Variants in CLEC16A observed in about 807,000 individuals in gnomAD.
The protein encoded by CLEC16A is protein CLEC16A.
CLEC16A carries 51 observed loss-of-function variants against 109.5 expected under a neutral mutation model. The ratio of observed to expected loss-of-function variants is 0.47; its 90% confidence interval spans 0.37 to 0.59. The LOEUF is 0.59. Ranked by LOEUF, CLEC16A falls within the 20% of genes least tolerant of loss-of-function variation. The probability of loss-of-function intolerance (pLI) is 0.00; values close to 1 mark genes in which losing one functional copy is unlikely to be tolerated. For synonymous variants in CLEC16A, 673 were observed against 564.2 expected, an observed-to-expected ratio of 1.19 and a Z score of -2.73; for missense variants, 1,339 against 1,394.0, an observed-to-expected ratio of 0.96 and a Z score of 0.63.
At position 10,957,894 on chromosome 16, in the gene CLEC16A, GACAGCT is replaced by G; in HGVS notation, c.194_199del (p.Asp65_Ser67delinsAla). Reference sequence around the variant, plus strand: ...GATCCTGATCTGGGGAGATCAAAATGACAGCTCTGTATTTGAGTAAGGGTTTCTAAT... The same window carrying G: ...GATCCTGATCTGGGGAGATCAAAATGCTGTATTTGAGTAAGGGTTTCTAAT... On this transcript the variant is annotated inframe_deletion, in exon 2 of 24. Transcript: ENST00000409790. 6.2e-7 allele frequency: 1 copy of G among 1,613,826 alleles called. No individual in the cohort carries two copies. The highest frequency in any genetic ancestry group is 8.5e-7 in the Non-Finnish European group (1 of 1,179,806).
intron 21 of CLEC16A, among the ~76,000 whole-genome samples, chr16:11,124,505 G>A (rs185718497): frequency 3.3e-5 from 5 of 152,304 alleles, no homozygotes; most frequent in South Asian, 2.1e-4. Flanking sequence ...TACATTTCAC[G>A]GGGATTGCGG....
At chr16:10,999,429 A>G (rs1414789065) in intron 10 of CLEC16A, among the ~76,000 whole-genome samples, 1 of 152,170 alleles carries the variant, frequency 6.6e-6, no homozygotes, top group Non-Finnish European at 1.5e-5. Flanking sequence ...AGCCTTTGAA[A>G]AGCTTTACTT....
chr16:10,947,979 C>T (rs982629936), intron 1 of CLEC16A, among the ~76,000 whole-genome samples: 13 of 152,004 alleles, frequency 8.6e-5, no homozygotes, highest in East Asian at 5.8e-4. Context: ...CTGCAAGCTC[C>T]GCCTCCCGGG....
At chr16:11,003,438 C>T in intron 11 of CLEC16A, 133 bp downstream of exon 11, 1 of 691,106 alleles carries the variant, frequency 1.4e-6, no homozygotes, top group South Asian at 1.9e-5. Context: ...TCCTACCTCA[C>T]ACTGGCGTAC....
intron 21 of CLEC16A, among the ~76,000 whole-genome samples, chr16:11,124,858 G>A (rs536681142): frequency 2.0e-5 from 3 of 152,278 alleles, no homozygotes; most frequent in Non-Finnish European, 2.9e-5. Context: ...AGGCCAAGGC[G>A]GGTAACTCAC....
chr16:11,108,503 T>G (rs1347468264), intron 19 of CLEC16A, among the ~76,000 whole-genome samples: 2 of 152,188 alleles, frequency 1.3e-5, no homozygotes, highest in Non-Finnish European at 2.9e-5. Flanking sequence ...CCACCCACCC[T>G]CTGCAGCTAG....
At chr16:11,123,544 C>T (rs2052583545) in intron 20 of CLEC16A, among the ~76,000 whole-genome samples, 198 bp from the exon 21 acceptor site, 1 of 152,182 alleles carries the variant, frequency 6.6e-6, no homozygotes, top group African/African-American at 2.4e-5. Context: ...TGCCTCCTCC[C>T]ACACTGTCCT....
chr16:10,951,431 G>A (rs1174996046), intron 1 of CLEC16A, among the ~76,000 whole-genome samples: 4 of 152,152 alleles, frequency 2.6e-5, no homozygotes, highest in African/African-American at 9.7e-5. Flanking sequence ...ATAACCTCAT[G>A]TAAATTCTTG....
At position 11,154,606 on chromosome 16, in the gene CLEC16A, C is replaced by T. The variant is rs115923118; in HGVS notation, c.2642-11782C>T. The stretch of plus-strand genomic sequence containing the variant: ...TGGGCCATTTCTTTTGCTACATACC[C>T]CTTTGTCTAAAGACACTTACGAAAA... On this transcript the variant is annotated intron_variant, in intron 22 of 23. Transcript: ENST00000409790. Among the ~76,000 whole-genome samples, 1,310 of 152,268 alleles carry T rather than the reference C, an allele frequency of 8.6e-3. 21 individuals are homozygous for T. Among genetic ancestry groups the T allele is most frequent in the African/African-American group, 0.03 (1,240 of 41,534 alleles).
chr16:11,178,000 C>T (rs185464291), intron 23 of CLEC16A, among the ~76,000 whole-genome samples: 122 of 152,304 alleles, frequency 8.0e-4, no homozygotes, highest in African/African-American at 2.8e-3. Flanking sequence ...CTGAGATTTG[C>T]CCACACATAA....
chr16:11,166,508 G>A lies in CLEC16A; in HGVS notation c.2762G>A (p.Gly921Asp), dbSNP rs1172210953. ...AGCACCAGCCACTGCGACTCTGGAGGCACCAGCTCGTCCTCCACCCCCTCC... is the reference window on the plus strand; with the variant it reads ...AGCACCAGCCACTGCGACTCTGGAGACACCAGCTCGTCCTCCACCCCCTCC... ...SGSTSHCDSG[G>D]TSSSSTPSTA... The change falls in exon 23 of 24, where the codon GGC becomes GAC. Residue 921 changes from glycine (G) to aspartate (D), a missense_variant. Physicochemically the swap from Gly to Asp is moderately conservative, Grantham distance 94. Transcript: ENST00000409790. The A allele has an allele frequency of 1.9e-6, 3 of 1,608,772 alleles. No homozygotes were observed. The highest frequency in any genetic ancestry group is 1.1e-5 in the South Asian group (1 of 90,756).
intron 20 of CLEC16A, among the ~76,000 whole-genome samples, chr16:11,123,171 G>C (rs1271547527): frequency 2.6e-5 from 4 of 152,066 alleles, no homozygotes; most frequent in African/African-American, 9.7e-5. Flanking sequence ...CAAAGTGCTG[G>C]AATTATAGGC....
chr16:10,998,553 A>T (rs528333048), intron 10 of CLEC16A, among the ~76,000 whole-genome samples: 3 of 152,308 alleles, frequency 2.0e-5, no homozygotes, highest in Non-Finnish European at 4.4e-5. Context: ...TCTTACTCTG[A>T]AGTGGGCTTT....
rs1343023933 is a variant in CLEC16A at position 10,977,309 on chromosome 16, C to T, written c.813C>T (p.Asn271=). 3.1e-6 allele frequency: 5 copies of T among 1,613,898 alleles called. No homozygotes were observed. The highest frequency in any genetic ancestry group is 2.2e-5 in the South Asian group (2 of 91,090). ...ATCTCAATGACATCCTGATCATCAA[C>T]TGTGAGTTCCTCAACGATGTGCTCA... ...LHYLNDILII[N]CEFLNDVLTD... The change falls in exon 8 of 24, where the codon AAC becomes AAT. Residue 271 remains asparagine (N), a synonymous_variant. Coordinates refer to ENST00000409790, the MANE Select transcript of CLEC16A (RefSeq NM_015226.3).
At chr16:11,176,838 G>A (rs966565700) in intron 23 of CLEC16A, among the ~76,000 whole-genome samples, 1 of 152,190 alleles carries the variant, frequency 6.6e-6, no homozygotes, top group African/African-American at 2.4e-5. Flanking sequence ...AATCCAGTCT[G>A]TCTCTCGTGC....
intron 19 of CLEC16A, among the ~76,000 whole-genome samples, chr16:11,082,466 C>T (rs1269746685): frequency 6.6e-6 from 1 of 152,224 alleles, no homozygotes. Context: ...TGGGTGACAC[C>T]AAAGACAGGA....
At chr16:11,144,749 G>T (rs150040447) in intron 22 of CLEC16A, among the ~76,000 whole-genome samples, 2 of 152,356 alleles carry the variant, frequency 1.3e-5, no homozygotes, top group East Asian at 3.9e-4. Context: ...ATTCTCTTCT[G>T]TAGGAGCAGT....
chr16:11,033,473 G>C (rs538926753), intron 13 of CLEC16A, among the ~76,000 whole-genome samples: 1 of 152,148 alleles, frequency 6.6e-6, no homozygotes, highest in Non-Finnish European at 1.5e-5. Flanking sequence ...GCTGCCTCGT[G>C]GGGGAGCTGC....
Position 10,994,207 on chromosome 16 carries a change from G to A in CLEC16A, c.1072-8867G>A, listed in dbSNP as rs139299854. On this transcript the variant is annotated intron_variant, in intron 10 of 23. Transcript: ENST00000409790. Reference sequence around the variant, plus strand: ...TGGAAGCGGCCTGCTACCTTTGCATGTTCCCCACTCCATAGCATTCATTTT... The same window carrying A: ...TGGAAGCGGCCTGCTACCTTTGCATATTCCCCACTCCATAGCATTCATTTT... 1.8e-3 allele frequency among the ~76,000 whole-genome samples: 277 copies of A among 152,318 alleles called. 1 individual carries two copies. The highest frequency in any genetic ancestry group is 6.3e-3 in the African/African-American group (264 of 41,576).
Sources: gnomAD v4.1 joint callset for allele counts (sites outside exome capture counted in the v4.1 genomes callset) on GRCh38, gnomAD v4.1.1 for gene constraint, MANE v1.5 for transcripts, NCBI Gene and HGNC (gene_info 2026-07-23, HGNC 2026-07-21) for gene names.